The following PCDHA3 variants were observed in gnomAD, a reference collection of about 807,000 sequenced individuals.
PCDHA3 encodes protocadherin alpha-3.
PCDHA3 carries 41 observed loss-of-function variants against 62.2 expected under a neutral mutation model. The observed-to-expected ratio is 0.66, with a 90% CI of 0.51 to 0.86. The LOEUF (loss-of-function observed/expected upper bound fraction) is 0.86, where lower values mean the gene tolerates loss of function less well. PCDHA3 is among the 40% of genes least tolerant of loss of function. The pLI, the probability that PCDHA3 is intolerant of heterozygous loss-of-function variation, is 0.00. For missense variants in PCDHA3, 1,304 were observed against 1,241.2 expected (o/e 1.05, Z -0.76); for synonymous variants, 640 against 555.4 (o/e 1.15, Z -2.14).
chr5:140,832,676 A>G (rs1772104728), intron 1 of PCDHA3, among the ~76,000 whole-genome samples: 1 of 152,242 alleles, frequency 6.6e-6, no homozygotes. Context: ...GCTGAGAATC[A>G]TCGAATTAAC....
rs782357436 is a variant in PCDHA3, at chr5:140,876,751, G to T, written c.2394+73160G>T. On this transcript the variant is annotated intron_variant, in intron 1 of 3. Transcript: ENST00000522353. ...GTCGGCCTATGAGCTGGTGGTGACTGCGCGGGATGGGGGCTCGCCTTCGCT... is the reference window on the plus strand; with the variant it reads ...GTCGGCCTATGAGCTGGTGGTGACTTCGCGGGATGGGGGCTCGCCTTCGCT... 2.5e-6 allele frequency: 4 copies of T among 1,614,258 alleles called. No individual in the cohort carries two copies. The Admixed American group carries it at 6.7e-5, about 27-fold the overall frequency.
At chr5:140,871,140 C>T (rs939950931) in intron 1 of PCDHA3, 2 of 1,613,336 alleles carry the variant, frequency 1.2e-6, no homozygotes, top group Non-Finnish European at 8.5e-7. Context: ...AGGCCTCTTC[C>T]CGGACTTTGG....
chr5:140,850,003 C>G (rs782017581), intron 1 of PCDHA3: 1 of 1,596,910 alleles, frequency 6.3e-7, no homozygotes, highest in African/African-American at 1.3e-5. Context: ...GGCGAGCGCT[C>G]GCTGTCGAGC....
intron 1 of PCDHA3, among the ~76,000 whole-genome samples, chr5:140,955,670 T>C (rs1212129993): frequency 6.6e-6 from 1 of 152,140 alleles, no homozygotes; most frequent in East Asian, 1.9e-4. Flanking sequence ...TTTAACATAG[T>C]TTTTTCGAAA....
In PCDHA3 at chr5:140,802,721, G is replaced by T. The variant is rs782075667; in HGVS notation, c.1524G>T (p.Val508=). Residue 508 remains valine (V), a synonymous_variant, in exon 1 of 4, where the codon GTG becomes GTT. Coordinates refer to ENST00000522353, the MANE Select transcript of PCDHA3 (RefSeq NM_018906.3). ...RVGERALSSY[V]SVHAESGKVY... is the part of the protein sequence containing the mutation. ...GGGAGCGCGCGCTGTCGAGCTACGT[G>T]TCGGTACACGCGGAGAGCGGCAAGG... The T allele has an allele frequency of 1.2e-5, 20 of 1,612,630 alleles. No homozygotes were observed. Among genetic ancestry groups the T allele is most frequent in the Middle Eastern group, 3.9e-4 (2 of 5,168 alleles).
At chr5:140,962,270 A>T (rs2095668540) in intron 1 of PCDHA3, among the ~76,000 whole-genome samples, 1 of 152,210 alleles carries the variant, frequency 6.6e-6, no homozygotes, top group African/African-American at 2.4e-5. Context: ...TTTATAATTT[A>T]AAAAACCTCA....
At position 140,834,542 on chromosome 5, in the gene PCDHA3, G is replaced by A. The variant is rs2150220651; in HGVS notation, c.2394+30951G>A. On this transcript the variant is annotated intron_variant, in intron 1 of 3. Transcript: ENST00000522353. ...TGGGCCGCATCGCGCAGGACCTGGG[G>A]CTGGAGCTGGCGGAGCTGGTGCCGC... The A allele has an allele frequency of 3.7e-6, 6 of 1,614,086 alleles. 1 individual carries two copies. In the South Asian group the frequency reaches 5.5e-5, roughly 15 times the overall value.
intron 1 of PCDHA3, among the ~76,000 whole-genome samples, chr5:140,886,270 T>A (rs957205805): frequency 2.0e-5 from 3 of 151,996 alleles, no homozygotes; most frequent in Admixed American, 6.5e-5. Flanking sequence ...ATAGATAAAA[T>A]TTTTTAAAAT....
At chr5:140,875,667 G>A (rs376967983) in intron 1 of PCDHA3, 10 of 1,613,820 alleles carry the variant, frequency 6.2e-6, no homozygotes, top group East Asian at 4.5e-5. Flanking sequence ...GCCTGTTCCG[G>A]GTGGCGTCCA....
chr5:140,845,533 AT>A, intron 1 of PCDHA3, among the ~76,000 whole-genome samples: 1 of 149,618 alleles, frequency 6.7e-6, no homozygotes, highest in African/African-American at 2.4e-5. Flanking sequence ...ACTTTTCACT[AT>A]TCTAATTATG....
At chr5:140,954,340 G>A (rs2095020682) in intron 1 of PCDHA3, among the ~76,000 whole-genome samples, 1 of 152,176 alleles carries the variant, frequency 6.6e-6, no homozygotes, top group Non-Finnish European at 1.5e-5. Flanking sequence ...TCTGCCTCTA[G>A]ATCTTTGAGG....
In PCDHA3 at chr5:140,971,294, T is replaced by C. The variant is rs3776113; in HGVS notation, c.2395-7655T>C. Reference sequence around the variant, plus strand: ...CTGACCTGTATATTAATATGTACTTTGGTACACAAACATTTAATCTAGGGA... The same window carrying C: ...CTGACCTGTATATTAATATGTACTTCGGTACACAAACATTTAATCTAGGGA... On this transcript the variant is annotated intron_variant, in intron 1 of 3. Transcript: ENST00000522353. Among the ~76,000 whole-genome samples the C allele has an allele frequency of 6.4e-4, 97 of 152,362 alleles. No individual in the cohort carries two copies. In the East Asian group the frequency reaches 0.018, roughly 28 times the overall value.
rs374506056 is a variant in PCDHA3, at chr5:140,858,272, G to T, written c.2394+54681G>T. 1.3e-4 allele frequency: 201 copies of T among 1,597,346 alleles called. 14 individuals carry two copies. In the African/African-American group the frequency reaches 2.1e-3, roughly 17 times the overall value. On this transcript the variant is annotated intron_variant, in intron 1 of 3. Transcript: ENST00000522353. The stretch of plus-strand genomic sequence containing the variant: ...GAAGCCCACGCTGGTGTGCTCTAGC[G>T]CGGTGGGGAGCTGGTCTTACTCGCA...
chr5:140,852,930 G>C (rs1581296305), intron 1 of PCDHA3: 3 of 621,568 alleles, frequency 4.8e-6, no homozygotes, highest in Admixed American at 1.3e-4. Context: ...CCAGGCTGGA[G>C]TGCAGTGGTG....
rs1456714222 is a variant in PCDHA3 at position 140,825,839 on chromosome 5, A to G, written c.2394+22248A>G. 5.2e-5 allele frequency: 8 copies of G among 152,498 alleles called. No individual in the cohort carries two copies. The East Asian group carries it at 1.5e-3, about 29-fold the overall frequency. 9.4% of individuals were successfully genotyped at this position (152,498 alleles called of 1,614,324 possible). On this transcript the variant is annotated intron_variant, in intron 1 of 3. Transcript: ENST00000522353. ...ACTTTTAGATTAAAAAAATAAATAT[A>G]CCATGATACAAACTCCCCTCTTGAG...
intron 1 of PCDHA3, among the ~76,000 whole-genome samples, chr5:140,941,215 C>CTTTCTTTCTTTCTTTCTT (rs2092888517): frequency 9.6e-6 from 1 of 104,510 alleles, no homozygotes; most frequent in East Asian, 2.4e-4. Flanking sequence ...TTCTTTCTTC[C>CTTTCTTTCTTTCTTTCTT]TTTCTTTCTT....
At chr5:140,823,788 T>C (rs1402074192) in intron 1 of PCDHA3, 8 of 1,613,644 alleles carry the variant, frequency 5.0e-6, no homozygotes, top group Middle Eastern at 3.3e-4. Context: ...TGGTGGAAAG[T>C]GGCCAGGCGC....
intron 1 of PCDHA3, chr5:140,836,460 C>G (rs2150261551): frequency 6.2e-7 from 1 of 1,613,848 alleles, no homozygotes; most frequent in South Asian, 1.1e-5. Context: ...AGAGACCGAG[C>G]TGGTGGATGT....
At chr5:140,853,589 C>T (rs1053953271) in intron 1 of PCDHA3, 2 of 986,246 alleles carry the variant, frequency 2.0e-6, no homozygotes, top group Non-Finnish European at 1.2e-6. Context: ...ATCTTAGACA[C>T]TTTGAGAGCA....
Sources: gnomAD v4.1 joint callset for allele counts (sites outside exome capture counted in the v4.1 genomes callset) on GRCh38, gnomAD v4.1.1 for gene constraint, MANE v1.5 for transcripts, NCBI Gene and HGNC (gene_info 2026-07-23, HGNC 2026-07-21) for gene names.